Variants in SRGAP3 observed in about 807,000 individuals in gnomAD.
The protein encoded by SRGAP3 is SLIT-ROBO Rho GTPase activating protein 3.
A neutral mutation model predicts 121.1 loss-of-function variants in SRGAP3; 39 were observed. That is an observed-to-expected ratio of 0.32 (90% CI 0.25 to 0.42). The LOEUF is 0.42. SRGAP3 is among the 10% of genes least tolerant of loss of function. The pLI, the probability that SRGAP3 is intolerant of heterozygous loss-of-function variation, is 1.00. For synonymous variants in SRGAP3, 601 were observed against 570.0 expected (o/e 1.05, Z -0.77); for missense variants, 1,213 against 1,470.6 (o/e 0.82, Z 2.86).
At chr3:9,222,004 C>T (rs968918685) in intron 1 of SRGAP3, among the ~76,000 whole-genome samples, 5 of 152,314 alleles carry the variant, frequency 3.3e-5, no homozygotes, top group South Asian at 2.1e-4. Context: ...CTTTGGAAAC[C>T]GCCTGCCCCA....
intron 3 of SRGAP3, among the ~76,000 whole-genome samples, chr3:9,316,452 A>C (rs2125280450): frequency 6.6e-6 from 1 of 150,656 alleles, no homozygotes; most frequent in Non-Finnish European, 1.5e-5. Context: ...ATGTCAGGAG[A>C]TTGAGACCAT....
chr3:9,360,727 T>C lies in SRGAP3; in HGVS notation n.214+2113A>G, dbSNP rs146271016. 3.3e-5 allele frequency among the ~76,000 whole-genome samples: 5 copies of C among 152,274 alleles called. No homozygotes were observed. In the East Asian group the frequency reaches 5.8e-4, roughly 18 times the overall value. On this transcript the variant is annotated intron_variant and non_coding_transcript_variant, in intron 1 of 3. Coordinates refer to the SRGAP3 transcript ENST00000490889. ...AAACCATCAGATCTTGTGAGACTTATTCACTACCACAAGAACAGTATGCAG... is the reference window on the plus strand; with the variant it reads ...AAACCATCAGATCTTGTGAGACTTACTCACTACCACAAGAACAGTATGCAG...
chr3:9,142,907 G>A (rs549431409), intron 1 of SRGAP3, among the ~76,000 whole-genome samples: 37 of 136,938 alleles, frequency 2.7e-4, no homozygotes, highest in Non-Finnish European at 4.9e-4. Flanking sequence ...GCGTGATCTC[G>A]GCTCACTGCA....
At chr3:9,197,764 T>C (rs1035199020) in intron 1 of SRGAP3, among the ~76,000 whole-genome samples, 1 of 152,238 alleles carries the variant, frequency 6.6e-6, no homozygotes, top group Non-Finnish European at 1.5e-5. Context: ...TCTAACTACA[T>C]TGTTATTAGT....
intron 7 of SRGAP3, 79 bp downstream of exon 7, chr3:9,058,172 C>T: frequency 2.0e-6 from 3 of 1,489,058 alleles, no homozygotes; most frequent in South Asian, 2.3e-5. Flanking sequence ...TCTGTACGTG[C>T]AACCAGGGAT....
intron 2 of SRGAP3, among the ~76,000 whole-genome samples, chr3:9,107,495 C>T (rs182046561): frequency 2.8e-4 from 42 of 152,340 alleles, no homozygotes; most frequent in African/African-American, 9.1e-4. Flanking sequence ...ATACCACAGT[C>T]CCTGCTCTTC....
intron 15 of SRGAP3, chr3:9,014,119 T>C: frequency 2.1e-6 from 1 of 485,706 alleles, no homozygotes; most frequent in Non-Finnish European, 3.8e-6. Context: ...CTCTTGGACC[T>C]GGGTAGAGGG....
At position 8,994,330 on chromosome 3, in the gene SRGAP3, C is replaced by G. The variant is rs199858721; in HGVS notation, c.2408+13G>C. On this transcript the variant is annotated intron_variant, in intron 19 of 21. Transcript: ENST00000383836. The stretch of plus-strand genomic sequence containing the variant: ...ATTTCGGCATTCTTCACAGAATTCT[C>G]GACTCCACTCACATGTCCTGTACAA... 2 of 1,613,748 alleles carry G rather than the reference C, an allele frequency of 1.2e-6. No individual in the cohort carries two copies. The highest frequency in any genetic ancestry group is 1.7e-6 in the Non-Finnish European group (2 of 1,180,042).
chr3:9,291,995 C>T (rs944723422), intron 3 of SRGAP3, among the ~76,000 whole-genome samples: 2 of 152,176 alleles, frequency 1.3e-5, no homozygotes, highest in Admixed American at 6.5e-5. Context: ...TAAAGCCCTA[C>T]TAGGATCAAA....
chr3:9,283,044 G>A (rs1030720192), intron 3 of SRGAP3, among the ~76,000 whole-genome samples: 4 of 151,808 alleles, frequency 2.6e-5, no homozygotes, highest in African/African-American at 4.8e-5. Flanking sequence ...GGGTTCAAGC[G>A]ATTCTCCCGC....
At position 9,044,602 on chromosome 3, in the gene SRGAP3, G is replaced by A. The variant is rs558619003; in HGVS notation, c.1408+2789C>T. 7.9e-4 allele frequency among the ~76,000 whole-genome samples: 120 copies of A among 152,276 alleles called. 1 individual carries two copies. Among genetic ancestry groups the A allele is most frequent in the Middle Eastern group, 3.4e-3 (1 of 294 alleles). On this transcript the variant is annotated intron_variant, in intron 10 of 21. Coordinates refer to ENST00000383836, the MANE Select transcript of SRGAP3 (RefSeq NM_014850.4). ...GGAAAGCGAAACCACAAATAAAGAA[G>A]GGCTACTGTACTTTACAGAAACTGA...
rs910660103 is a variant in SRGAP3, at chr3:8,985,844, A to G, written c.2975T>C (p.Leu992Pro). ...GTTCTTCAGGGGCTCCAGGGTGTCC[A>G]GCACCACATCTGGCGCCTGCTTGAC... ...NTVKQAPDVV[L>P]DTLEPLKNPP... The change falls in exon 22 of 22, where the codon CTG (leucine) becomes CCG (proline). Residue 992 changes from leucine to proline, a missense_variant. Physicochemically the swap from Leu to Pro is moderately conservative, Grantham distance 98. Transcript: ENST00000383836. The surrounding 1 kb of genome is among the most constrained non-coding windows in gnomAD (Gnocchi z 5.1). The G allele has an allele frequency of 5.0e-6, 8 of 1,600,356 alleles. No individual in the cohort carries two copies. Among genetic ancestry groups the G allele is most frequent in the Non-Finnish European group, 5.9e-6 (7 of 1,179,914 alleles).
chr3:9,026,768 C>T (rs1315275585), intron 13 of SRGAP3, among the ~76,000 whole-genome samples, 167 bp downstream of exon 13: 2 of 152,178 alleles, frequency 1.3e-5, no homozygotes, highest in Admixed American at 6.5e-5. Context: ...CACACAGGCT[C>T]AAAAGCAGCA....
chr3:8,987,394 G>A (rs1463475160), intron 21 of SRGAP3, among the ~76,000 whole-genome samples: 1 of 151,904 alleles, frequency 6.6e-6, no homozygotes, highest in African/African-American at 2.4e-5. Context: ...TGACTATTAA[G>A]ACAGGCTTGC....
chr3:9,180,470 C>T (rs1007605784), intron 1 of SRGAP3, among the ~76,000 whole-genome samples: 3 of 152,116 alleles, frequency 2.0e-5, no homozygotes, highest in African/African-American at 4.8e-5. Flanking sequence ...GCGACCACAT[C>T]GTGTACCCTC....
intron 10 of SRGAP3, among the ~76,000 whole-genome samples, chr3:9,042,514 G>T (rs1945067611): frequency 6.6e-6 from 1 of 151,754 alleles, no homozygotes. Context: ...TCTGAAAATA[G>T]AACTTGGGGC....
intron 1 of SRGAP3, among the ~76,000 whole-genome samples, chr3:9,196,627 GCTGA>G (rs1167609512): frequency 3.3e-5 from 5 of 152,240 alleles, no homozygotes; most frequent in African/African-American, 4.8e-5. Context: ...CAGCATCAAT[GCTGA>G]CTTTTTATTT....
chr3:9,265,891 T>G (rs1954351881), intron 3 of SRGAP3, among the ~76,000 whole-genome samples: 1 of 152,214 alleles, frequency 6.6e-6, no homozygotes, highest in Non-Finnish European at 1.5e-5. Context: ...CAAAGGATTA[T>G]AAATCATTCC....
chr3:9,352,378 A>G (rs890958513), intron 1 of SRGAP3, among the ~76,000 whole-genome samples: 6 of 149,152 alleles, frequency 4.0e-5, no homozygotes, highest in Non-Finnish European at 7.4e-5. Flanking sequence ...GCTTCAAGTG[A>G]TTCTCCTGCC....
Sources: allele counts gnomAD v4.1 joint callset (sites outside exome capture counted in the v4.1 genomes callset), GRCh38; gene constraint gnomAD v4.1.1; non-coding constraint Gnocchi (gnomAD v3.1); transcripts MANE v1.5; gene names NCBI Gene and HGNC (gene_info 2026-07-23, HGNC 2026-07-21).